The following MTCL2 variants were observed in gnomAD, a reference collection of about 807,000 sequenced individuals.
MTCL2 encodes the protein microtubule crosslinking factor 2, also known as microtubule cross-linking factor 2.
At chr20:36,861,385 T>G in the MTCL2 span, among the ~76,000 whole-genome samples, 3 of 152,170 alleles carry the variant, frequency 2.0e-5, no homozygotes, top group African/African-American at 7.2e-5. Flanking sequence ...GAAAGGTGTC[T>G]CTTGATTCAG....
the MTCL2 span, among the ~76,000 whole-genome samples, chr20:36,801,427 C>A: frequency 6.6e-6 from 1 of 151,782 alleles, no homozygotes; most frequent in East Asian, 1.9e-4. Flanking sequence ...AAACAAAACC[C>A]TGTAAATATA....
the MTCL2 span, among the ~76,000 whole-genome samples, chr20:36,849,733 T>C: frequency 6.6e-6 from 1 of 152,122 alleles, no homozygotes; most frequent in African/African-American, 2.4e-5. Flanking sequence ...ATGATTTACG[T>C]TTGTACACTG....
the MTCL2 span, among the ~76,000 whole-genome samples, chr20:36,835,676 A>G: frequency 6.6e-6 from 1 of 152,148 alleles, no homozygotes; most frequent in African/African-American, 2.4e-5. Flanking sequence ...AGAGGTGTCC[A>G]TCCAGCTCAG....
chr20:36,862,185 C>A, the MTCL2 span, among the ~76,000 whole-genome samples: 1 of 152,220 alleles, frequency 6.6e-6, no homozygotes, highest in Non-Finnish European at 1.5e-5. Context: ...GACAGGCCTG[C>A]GCCCGGGAAA....
chr20:36,795,464 G>T, the MTCL2 span, among the ~76,000 whole-genome samples: 1 of 150,950 alleles, frequency 6.6e-6, no homozygotes, highest in East Asian at 2.0e-4. Flanking sequence ...CTATCTGATG[G>T]TTTTTTTTTC....
At chr20:36,815,949 GAGA>G in the MTCL2 span, 5 of 1,612,980 alleles carry the variant, frequency 3.1e-6, no homozygotes, top group Non-Finnish European at 4.2e-6. This position sits in a 1 kb window ranked among gnomAD's most constrained non-coding sequence, Gnocchi z 5.3. Flanking sequence ...ACCCAGCGCG[GAGA>G]AGGCCAGGCG....
At chr20:36,794,965 G>T in the MTCL2 span, among the ~76,000 whole-genome samples, 1 of 150,908 alleles carries the variant, frequency 6.6e-6, no homozygotes, top group Non-Finnish European at 1.5e-5. The surrounding 1 kb of genome is among the most constrained non-coding windows in gnomAD (Gnocchi z 5.4). Flanking sequence ...TTGAGACAGA[G>T]TCTTGTTCTG....
the MTCL2 span, chr20:36,808,794 AC>A: frequency 6.7e-7 from 1 of 1,485,934 alleles, no homozygotes; most frequent in Non-Finnish European, 9.0e-7. Context: ...CCTCTCCCCC[AC>A]CCCTTTCTGG....
chr20:36,854,744 G>T, the MTCL2 span, among the ~76,000 whole-genome samples: 3 of 152,334 alleles, frequency 2.0e-5, no homozygotes, highest in East Asian at 1.9e-4. Context: ...GGGAACCCCA[G>T]AATTTTTTTC....
the MTCL2 span, among the ~76,000 whole-genome samples, chr20:36,852,483 C>G: frequency 6.6e-6 from 1 of 152,186 alleles, no homozygotes; most frequent in Non-Finnish European, 1.5e-5. Flanking sequence ...CACTTGGACC[C>G]CAAAAAAGGA....
At chr20:36,783,736 G>T in the MTCL2 span, 1 of 983,380 alleles carries the variant, frequency 1.0e-6, no homozygotes, top group Non-Finnish European at 1.2e-6. Flanking sequence ...ATGTTACCAA[G>T]ACTTAAAAGG....
chr20:36,808,538 G>A, the MTCL2 span: 1 of 1,603,858 alleles, frequency 6.2e-7, no homozygotes, highest in Non-Finnish European at 8.5e-7. Context: ...CCCTTCGCTG[G>A]GCAAAACCTT....
the MTCL2 span, chr20:36,815,699 G>A: frequency 3.1e-6 from 5 of 1,604,198 alleles, no homozygotes; most frequent in South Asian, 2.2e-5. The surrounding 1 kb of genome is among the most constrained non-coding windows in gnomAD (Gnocchi z 5.3). Flanking sequence ...CGCTGAGCTC[G>A]CCGATCTGCA....
the MTCL2 span, chr20:36,777,857 G>C: frequency 3.2e-6 from 2 of 625,888 alleles, no homozygotes; most frequent in East Asian, 3.3e-5. Context: ...CTGGGGGTTG[G>C]AGCTGTTTTT....
At chr20:36,783,691 C>G in the MTCL2 span, 5 of 886,890 alleles carry the variant, frequency 5.6e-6, no homozygotes, top group Non-Finnish European at 6.8e-6. Flanking sequence ...TCCAGGGAAT[C>G]CCCACTGTGG....
the MTCL2 span, chr20:36,797,590 AG>A: frequency 4.5e-6 from 7 of 1,554,262 alleles, no homozygotes; most frequent in Non-Finnish European, 6.1e-6. Context: ...AAGGGCAGAG[AG>A]GGTGGGTCGG....
At chr20:36,850,252 A>C in the MTCL2 span, among the ~76,000 whole-genome samples, 1 of 152,002 alleles carries the variant, frequency 6.6e-6, no homozygotes, top group Non-Finnish European at 1.5e-5. Context: ...CCTCCAGCAG[A>C]GCGCAGTGGC....
At chr20:36,829,418 C>G in the MTCL2 span, among the ~76,000 whole-genome samples, 1 of 152,036 alleles carries the variant, frequency 6.6e-6, no homozygotes, top group Non-Finnish European at 1.5e-5. Context: ...AAACCCAAAC[C>G]TAGGTACCGC....
the MTCL2 span, among the ~76,000 whole-genome samples, chr20:36,801,704 G>T: frequency 1.3e-5 from 2 of 152,278 alleles, no homozygotes; most frequent in East Asian, 3.9e-4. Context: ...GGTGGTTCAT[G>T]CCTGTAATCC....
Sources: allele counts gnomAD v4.1 joint callset (sites outside exome capture counted in the v4.1 genomes callset), GRCh38; gene constraint gnomAD v4.1.1; non-coding constraint Gnocchi (gnomAD v3.1); transcripts MANE v1.5; gene names NCBI Gene and HGNC (gene_info 2026-07-23, HGNC 2026-07-21).